The following ATF7 variants were observed in gnomAD, a reference collection of about 807,000 sequenced individuals.
ATF7 encodes activating transcription factor 7.
Under a neutral mutation model 50.4 loss-of-function variants are expected in ATF7, and 10 were observed. The observed-to-expected ratio is 0.20, with a 90% CI of 0.12 to 0.34. The LOEUF is 0.34. Among genes scored for constraint, ATF7 ranks in the 10% least tolerant of loss-of-function variants. The pLI is 1.00. For missense variants in ATF7, 465 were observed against 613.9 expected, an observed-to-expected ratio of 0.76 and a Z score of 2.56; for synonymous variants, 201 against 226.4, an observed-to-expected ratio of 0.89 and a Z score of 1.01.
In ATF7 at chr12:53,524,765, GTGCCCA is replaced by G; in HGVS notation, c.928-10_928-5del. On this transcript the variant is annotated splice_polypyrimidine_tract_variant and splice_region_variant and intron_variant, in intron 9 of 11. Coordinates refer to ENST00000420353, the MANE Select transcript of ATF7 (RefSeq NM_006856.3). This position sits in a 1 kb window ranked among gnomAD's most constrained non-coding sequence, Gnocchi z 4.6. ...GGGTGGGCTGAGCTGGTGAGACCTG[GTGCCCA>G]GGAAGGAAGAGAGGTTACTTGATGG... 1.3e-6 allele frequency: 2 copies of G among 1,592,464 alleles called. No homozygotes were observed. Among genetic ancestry groups the G allele is most frequent in the Non-Finnish European group, 1.7e-6 (2 of 1,168,726 alleles).
chr12:53,511,568 T>C (rs1172675264), downstream of ATF7, among the ~76,000 whole-genome samples: 1 of 152,164 alleles, frequency 6.6e-6, no homozygotes, highest in Admixed American at 6.6e-5. Flanking sequence ...TGCTTCTAAG[T>C]AAACTCTACC....
intron 1 of ATF7, among the ~76,000 whole-genome samples, chr12:53,620,079 C>G (rs1944312469): frequency 6.6e-6 from 1 of 152,032 alleles, no homozygotes; most frequent in South Asian, 2.1e-4. Context: ...GAGACTGAAG[C>G]TGCAGTATGA....
intron 4 of ATF7, among the ~76,000 whole-genome samples, chr12:53,541,727 G>A (rs1939562191): frequency 6.6e-6 from 1 of 152,058 alleles, no homozygotes; most frequent in Non-Finnish European, 1.5e-5. Flanking sequence ...TCTCCCTTTA[G>A]ACCACATGGA....
chr12:53,513,885 G>A lies in ATF7; in HGVS notation c.*3252C>T, dbSNP rs940601430. The stretch of plus-strand genomic sequence containing the variant: ...TGCTAGAGGGCAGTGAATCAAGAAA[G>A]GAGCCAAAACCAACAGAACAGGGAT... On this transcript the variant is annotated 3_prime_UTR_variant, in exon 12 of 12. Transcript: ENST00000420353. 1 of 152,272 alleles carries A rather than the reference G, an allele frequency of 6.6e-6. No individual in the cohort carries two copies. The highest frequency in any genetic ancestry group is 1.9e-4 in the East Asian group (1 of 5,188). The allele number at this position is 152,272 out of a possible 1,614,324, so 9.4% of individuals were successfully genotyped here.
intron 2 of ATF7, among the ~76,000 whole-genome samples, chr12:53,598,028 G>A (rs1447840216): frequency 1.3e-5 from 2 of 152,178 alleles, no homozygotes; most frequent in African/African-American, 4.8e-5. Context: ...ATGACAAATG[G>A]ATTACAAATA....
At chr12:53,612,079 G>A (rs939420750) in intron 1 of ATF7, among the ~76,000 whole-genome samples, 3 of 151,572 alleles carry the variant, frequency 2.0e-5, no homozygotes, top group Admixed American at 6.6e-5. Context: ...GGGTTCCAGC[G>A]ATTCTCCCAC....
rs1001619673 is a variant in ATF7 at position 53,602,741 on chromosome 12, GCTT to G, written c.-21-1723_-21-1721del. On this transcript the variant is annotated intron_variant, in intron 1 of 11. Coordinates refer to ENST00000420353, the MANE Select transcript of ATF7 (RefSeq NM_006856.3). ...GATGATTGGGTACTGGGAAATGAGA[GCTT>G]CATTCTTCTTCACACAGCCCCAGGA... Among the ~76,000 whole-genome samples, 6 of 152,320 alleles carry G rather than the reference GCTT, an allele frequency of 3.9e-5. 1 individual carries two copies. The highest frequency in any genetic ancestry group is 2.6e-4 in the Admixed American group (4 of 15,300).
downstream of ATF7, among the ~76,000 whole-genome samples, chr12:53,508,907 G>A (rs543696405): frequency 2.6e-5 from 4 of 152,312 alleles, no homozygotes; most frequent in South Asian, 6.2e-4. Context: ...TTCTGACCCC[G>A]ACTCTGGTCT....
rs553654918 is a variant in ATF7 at position 53,540,273 on chromosome 12, C to T, written c.265-2721G>A. 4.2e-4 allele frequency among the ~76,000 whole-genome samples: 64 copies of T among 150,878 alleles called. 1 individual carries two copies. In the South Asian group the frequency reaches 5.4e-3, roughly 13 times the overall value. ...GGCTGAGACAGGATAATCACTTGAA[C>T]TCAGGAGGTGGAGGTTGCAGTGAGC... On this transcript the variant is annotated intron_variant, in intron 4 of 11. Transcript: ENST00000420353.
intron 1 of ATF7, among the ~76,000 whole-genome samples, chr12:53,604,640 T>A (rs1047390842): frequency 6.6e-6 from 1 of 152,116 alleles, no homozygotes; most frequent in African/African-American, 2.4e-5. Context: ...ATGGCCCAAC[T>A]CTAAGCAAGG....
intron 3 of ATF7, among the ~76,000 whole-genome samples, chr12:53,548,810 C>T (rs1940118947): frequency 1.3e-5 from 2 of 152,014 alleles, no homozygotes; most frequent in South Asian, 4.1e-4. Context: ...AAGCTAGAAC[C>T]CATCTTTACA....
At chr12:53,610,564 CA>C (rs528813775) in intron 1 of ATF7, among the ~76,000 whole-genome samples, 2,283 of 55,044 alleles carry the variant, frequency 0.041, 20 homozygotes, top group African/African-American at 0.092. Flanking sequence ...GACTCTGTCT[CA>C]AAAAAAAAAA....
intron 11 of ATF7, among the ~76,000 whole-genome samples, chr12:53,521,233 A>C (rs10876462): frequency 0.55 from 83,516 of 151,934 alleles, 23,728 homozygotes; most frequent in East Asian, 0.96. Flanking sequence ...CTCAGGTGAT[A>C]CGCCTGCCTT....
rs995870242 is a variant in ATF7, at chr12:53,514,730, C to T, written c.*2407G>A. 29 of 152,050 alleles carry T rather than the reference C, an allele frequency of 1.9e-4. No individual in the cohort carries two copies. The highest frequency in any genetic ancestry group is 7.0e-4 in the African/African-American group (29 of 41,400). The allele number at this position is 152,050 out of a possible 1,614,324, so 9.4% of individuals were successfully genotyped here. Reference sequence around the variant, plus strand: ...ATGGGGGCTAAGAAATAAAAAAGACCCGCTACATAAATTAGCCACCCAACA... The same window carrying T: ...ATGGGGGCTAAGAAATAAAAAAGACTCGCTACATAAATTAGCCACCCAACA... On this transcript the variant is annotated 3_prime_UTR_variant, in exon 12 of 12. Transcript: ENST00000420353.
intron 1 of ATF7, among the ~76,000 whole-genome samples, chr12:53,615,227 CA>C (rs1217422508): frequency 6.7e-6 from 1 of 148,670 alleles, no homozygotes; most frequent in Non-Finnish European, 1.5e-5. Context: ...ACTAAAAATA[CA>C]AAAAAATTGG....
At chr12:53,626,092 T>G (rs1162715932) in intron 1 of ATF7, 187 bp downstream of exon 1, 1 of 152,326 alleles carries the variant, frequency 6.6e-6, no homozygotes, top group African/African-American at 2.4e-5. Flanking sequence ...GAGGCTTCCT[T>G]CTCTCCCATT....
downstream of ATF7, among the ~76,000 whole-genome samples, chr12:53,510,802 T>C (rs761619104): frequency 7.2e-5 from 11 of 152,170 alleles, no homozygotes; most frequent in Non-Finnish European, 1.5e-4. Flanking sequence ...GAAGTTGGAA[T>C]GGGTTGATTC....
chr12:53,595,340 AT>A, intron 2 of ATF7, among the ~76,000 whole-genome samples: 1 of 152,336 alleles, frequency 6.6e-6, no homozygotes, highest in Non-Finnish European at 1.5e-5. Context: ...AACATAAAGA[AT>A]TAGTAATCAC....
At chr12:53,540,298 C>A (rs1592821812) in intron 4 of ATF7, among the ~76,000 whole-genome samples, 1 of 150,708 alleles carries the variant, frequency 6.6e-6, no homozygotes, top group Non-Finnish European at 1.5e-5. Context: ...TTGCAGTGAG[C>A]CATCATGATC....
Sources: allele counts gnomAD v4.1 joint callset (sites outside exome capture counted in the v4.1 genomes callset), GRCh38; gene constraint gnomAD v4.1.1; non-coding constraint Gnocchi (gnomAD v3.1); transcripts MANE v1.5; gene names NCBI Gene and HGNC (gene_info 2026-07-23, HGNC 2026-07-21).